Variants in SYNE1 observed in about 807,000 individuals in gnomAD.
SYNE1 encodes spectrin repeat containing nuclear envelope protein 1.
In SYNE1, 616 loss-of-function variants were observed where a neutral mutation model predicts 1,111.0. The ratio of observed to expected loss-of-function variants is 0.55; its 90% CI spans 0.52 to 0.59. The LOEUF is 0.59. SYNE1 is among the 20% of genes least tolerant of loss of function. The pLI, the probability that SYNE1 is intolerant of heterozygous loss-of-function variation, is 0.00. For synonymous variants in SYNE1, 3,855 were observed against 3,825.8 expected, an observed-to-expected ratio of 1.01 and a Z score of -0.28; for missense variants, 10,006 against 10,417.0, an observed-to-expected ratio of 0.96 and a Z score of 1.72.
intron 127 of SYNE1, among the ~76,000 whole-genome samples, chr6:152,197,656 A>C (rs1253634103): frequency 6.6e-6 from 1 of 152,162 alleles, no homozygotes. Flanking sequence ...TTTGAAAGAA[A>C]GCCTTTTTTT....
Position 152,369,096 on chromosome 6 carries a change from G to A in SYNE1, c.9683C>T (p.Pro3228Leu). Residue 3228 changes from proline to leucine, a missense_variant, in exon 61 of 146, where the codon CCT becomes CTT. Transcript: ENST00000367255. The stretch of plus-strand genomic sequence containing the variant: ...TTTCTCTTTCAGCCTGTTGAGCTGA[G>A]GCTCGTAGCAGTGTATTTCCTCAAG... ...SVLEEIHCYE[P>L]QLNRLKEKAQ... 1 of 1,613,958 alleles carries A rather than the reference G, an allele frequency of 6.2e-7. No homozygotes were observed. The highest frequency in any genetic ancestry group is 8.5e-7 in the Non-Finnish European group (1 of 1,180,034).
intron 89 of SYNE1, 108 bp from the exon 90 acceptor site, chr6:152,310,125 A>C: frequency 7.3e-7 from 1 of 1,365,186 alleles, no homozygotes; most frequent in South Asian, 1.3e-5. Context: ...ATTTTGCAAA[A>C]AAAAAAAAAT....
chr6:152,469,171 T>C (rs949579285), intron 16 of SYNE1, among the ~76,000 whole-genome samples: 9 of 152,166 alleles, frequency 5.9e-5, no homozygotes, highest in African/African-American at 1.9e-4. Flanking sequence ...ATTTGAAAGT[T>C]TTCAGCCTCT....
intron 14 of SYNE1, chr6:152,474,741 G>T (rs192943865): frequency 4.1e-4 from 62 of 152,250 alleles, no homozygotes; most frequent in African/African-American, 1.4e-3. Flanking sequence ...ATTAAGAGGG[G>T]GTTAAGATAT....
intron 72 of SYNE1, among the ~76,000 whole-genome samples, chr6:152,348,669 G>C (rs1261712949): frequency 6.6e-6 from 1 of 151,120 alleles, no homozygotes; most frequent in Non-Finnish European, 1.5e-5. Context: ...TGGGCAACAA[G>C]AGCAAAACTC....
intron 124 of SYNE1, among the ~76,000 whole-genome samples, chr6:152,209,313 T>C (rs762660795): frequency 2.6e-4 from 40 of 152,340 alleles, no homozygotes; most frequent in Non-Finnish European, 4.6e-4. Context: ...AATATGCTGT[T>C]AGTCCTAGAA....
In SYNE1 at chr6:152,269,043, A is replaced by G; in HGVS notation, c.18705+112T>C. 19 of 1,505,116 alleles carry G rather than the reference A, an allele frequency of 1.3e-5. 1 individual carries two copies. The South Asian group carries it at 2.0e-4, about 16-fold the overall frequency. The allele number at this position is 1,505,116 out of a possible 1,614,324, so 93.2% of individuals were successfully genotyped here. On this transcript the variant is annotated intron_variant, in intron 99 of 145. Coordinates refer to ENST00000367255, the MANE Select transcript of SYNE1 (RefSeq NM_182961.4). ...CTTGCTTCATTCAAAGAGAAGATAAAGAGACACTCTGTCTTTAGTACAGAA... is the reference window on the plus strand; with the variant it reads ...CTTGCTTCATTCAAAGAGAAGATAAGGAGACACTCTGTCTTTAGTACAGAA...
chr6:152,259,153 C>T, intron 101 of SYNE1, among the ~76,000 whole-genome samples: 1 of 152,202 alleles, frequency 6.6e-6, no homozygotes. Flanking sequence ...ATATCCTCCA[C>T]CCAGCATCCC....
At chr6:152,478,045 G>A (rs139027298) in intron 14 of SYNE1, among the ~76,000 whole-genome samples, 1 of 152,192 alleles carries the variant, frequency 6.6e-6, no homozygotes, top group African/African-American at 2.4e-5. Context: ...GGGATTATAA[G>A]TATGAGCCAC....
intron 106 of SYNE1, 146 bp from the exon 107 acceptor site, chr6:152,242,586 G>A: frequency 5.1e-6 from 4 of 785,146 alleles, no homozygotes; most frequent in Middle Eastern, 3.5e-4. Flanking sequence ...CTACCTGTAG[G>A]CCATCTGCTT....
At chr6:152,160,125 G>A (rs2062160796) in intron 131 of SYNE1, among the ~76,000 whole-genome samples, 1 of 152,030 alleles carries the variant, frequency 6.6e-6, no homozygotes, top group Admixed American at 6.6e-5. Context: ...TCCTGCCTCA[G>A]CCTCCCGAGT....
chr6:152,271,692 T>A (rs1489866892), intron 98 of SYNE1, among the ~76,000 whole-genome samples: 3 of 152,204 alleles, frequency 2.0e-5, no homozygotes, highest in Non-Finnish European at 4.4e-5. Flanking sequence ...CTCTAAAAGA[T>A]CCTGGTTCTT....
Position 152,231,428 on chromosome 6 carries a change from T to C in SYNE1, c.21002A>G (p.Lys7001Arg), listed in dbSNP as rs145075161. Residue 7001 changes from lysine to arginine, a missense_variant, in exon 114 of 146, where the codon AAA becomes AGA. Around this residue, in one of 7 missense-constraint regions of SYNE1, gnomAD observed 2,182 missense variants for 2,287.8 expected, o/e 0.95. Coordinates refer to ENST00000367255, the MANE Select transcript of SYNE1 (RefSeq NM_182961.4). ...TAGACCTTGCAGAATTTGCCAACTTTTATTCATTGCTCCAAGTTGCTCAGC... is the reference window on the plus strand; with the variant it reads ...TAGACCTTGCAGAATTTGCCAACTTCTATTCATTGCTCCAAGTTGCTCAGC... ...DFAEQLGAMN[K>R]SWQILQGLVT... 129 of 1,614,152 alleles carry C rather than the reference T, an allele frequency of 8.0e-5. No individual in the cohort carries two copies. The African/African-American group carries it at 1.6e-3, about 20-fold the overall frequency.
rs756816038 is a variant in SYNE1, at chr6:152,463,504, T to C, written c.1946A>G (p.Asn649Ser). 95 of 1,612,980 alleles carry C rather than the reference T, an allele frequency of 5.9e-5. No homozygotes were observed. Among genetic ancestry groups the C allele is most frequent in the Non-Finnish European group, 7.6e-5 (90 of 1,179,452 alleles). ...SENAKKDFFR[N>S]LPHWIQQHTA... ...ATGCTGCTGAATCCAATGAGGTAAA[T>C]TTCGAAAAAAATCCTAAACAATAAA... The change falls in exon 19 of 146, where the codon AAT (asparagine) becomes AGT (serine). Residue 649 changes from asparagine to serine, a missense_variant. Physicochemically the swap from Asn to Ser is conservative, Grantham distance 46. Around this residue, in one of 7 missense-constraint regions of SYNE1, gnomAD observed 1,971 missense variants for 2,084.1 expected, o/e 0.95. Coordinates refer to ENST00000367255, the MANE Select transcript of SYNE1 (RefSeq NM_182961.4).
At position 152,416,406 on chromosome 6, in the gene SYNE1, G is replaced by T; in HGVS notation, c.6031C>A (p.Arg2011Ser). 1 of 1,614,074 alleles carries T rather than the reference G, an allele frequency of 6.2e-7. No individual in the cohort carries two copies. Among genetic ancestry groups the T allele is most frequent in the Non-Finnish European group, 8.5e-7 (1 of 1,180,036 alleles). Residue 2011 changes from arginine to serine, a missense_variant, in exon 41 of 146, where the codon CGC (arginine) becomes AGC (serine). Arg to Ser is a moderately radical substitution (Grantham distance 110, BLOSUM62 -1). Transcript: ENST00000367255. ...TDKERLKEPTRQALQQRLRVF... is the reference protein window; with the variant it reads ...TDKERLKEPTSQALQQRLRVF... ...ATTTACCTCTGCTGAAGAGCTTGGC[G>T]GGTAGGTTCTTTCAATCGCTCTTTG...
intron 33 of SYNE1, 139 bp downstream of exon 33, chr6:152,435,802 T>A: frequency 9.5e-7 from 1 of 1,050,764 alleles, no homozygotes; most frequent in Non-Finnish European, 1.4e-6. Flanking sequence ...TCTTTTGAAC[T>A]GTGAGTTGTT....
chr6:152,465,554 A>G, intron 17 of SYNE1, 94 bp from the exon 18 acceptor site: 1 of 1,128,326 alleles, frequency 8.9e-7, no homozygotes, highest in Non-Finnish European at 1.3e-6. Context: ...GTGCAATAGT[A>G]TCCATCACAA....
rs184510381 is a variant in SYNE1, at chr6:152,499,764, A to G, written c.889-972T>C. Among the ~76,000 whole-genome samples the G allele has an allele frequency of 2.6e-3, 395 of 152,306 alleles. 4 individuals carry two copies. The highest frequency in any genetic ancestry group is 1.6e-3 in the Non-Finnish European group (110 of 68,002). On this transcript the variant is annotated intron_variant, in intron 10 of 145. Coordinates refer to ENST00000367255, the MANE Select transcript of SYNE1 (RefSeq NM_182961.4). ...CCACTAAAAAAGGGCGAAGCTTCCA[A>G]TACATTTTCCTCAAAATTAATTTTT...
At position 152,498,797 on chromosome 6, in the gene SYNE1, C is replaced by T. The variant is rs372081700; in HGVS notation, c.889-5G>A. 4 of 1,475,530 alleles carry T rather than the reference C, an allele frequency of 2.7e-6. No homozygotes were observed. In the African/African-American group the frequency reaches 4.2e-5, roughly 16 times the overall value. The allele number at this position is 1,475,530 out of a possible 1,614,324, so 91.4% of individuals were successfully genotyped here. ...TGGGAAACCTGGAAGTATTTCCTAACAATATGAAAAGATAATATATAGAAA... is the reference window on the plus strand; with the variant it reads ...TGGGAAACCTGGAAGTATTTCCTAATAATATGAAAAGATAATATATAGAAA... On this transcript the variant is annotated splice_region_variant and splice_polypyrimidine_tract_variant and intron_variant, in intron 10 of 145. Transcript: ENST00000367255.
Sources: allele counts gnomAD v4.1 joint callset (sites outside exome capture counted in the v4.1 genomes callset), GRCh38; gene constraint gnomAD v4.1.1; regional missense constraint gnomAD v4.1.1; transcripts MANE v1.5; gene names NCBI Gene and HGNC (gene_info 2026-07-23, HGNC 2026-07-21).